ARHGAP6: variants seen among roughly 807,000 people sequenced by gnomAD.
The protein encoded by ARHGAP6 is rho GTPase-activating protein 6.
Under a neutral mutation model 55.7 loss-of-function variants are expected in ARHGAP6, and 16 were observed. The observed-to-expected ratio is 0.29, with a 90% confidence interval of 0.19 to 0.44. The LOEUF is 0.44. Among genes scored for constraint, ARHGAP6 ranks in the 20% least tolerant of loss-of-function variants. The pLI, the probability that ARHGAP6 is intolerant of heterozygous loss-of-function variation, is 1.00. For synonymous variants in ARHGAP6, 382 were observed against 360.9 expected (o/e 1.06, Z -0.66); for missense variants, 698 against 808.9 (o/e 0.86, Z 1.66).
intron 1 of ARHGAP6, among the ~76,000 whole-genome samples, chrX:11,371,329 G>C (rs911567614): frequency 3.6e-5 from 4 of 112,024 alleles, no homozygotes; most frequent in Non-Finnish European, 7.5e-5. Context: ...ATTGGAACCA[G>C]CCATGCACAT....
intron 3 of ARHGAP6, among the ~76,000 whole-genome samples, chrX:11,195,059 T>C (rs1320423026): frequency 8.9e-6 from 1 of 111,805 alleles, no homozygotes; most frequent in Non-Finnish European, 1.9e-5. Context: ...TAACAGACTA[T>C]AAAAATAAGC....
chrX:11,184,107 T>C (rs1052219313), intron 5 of ARHGAP6, among the ~76,000 whole-genome samples: 1 of 112,227 alleles, frequency 8.9e-6, no homozygotes, highest in Non-Finnish European at 1.9e-5. Flanking sequence ...CAGCCGTGCC[T>C]AAATCTAGAT....
intron 5 of ARHGAP6, among the ~76,000 whole-genome samples, chrX:11,185,252 G>GA (rs1415452318): frequency 1.8e-5 from 2 of 109,851 alleles, no homozygotes; most frequent in Non-Finnish European, 3.8e-5. Flanking sequence ...AAGATAAGGT[G>GA]AAAAAAATTA....
At chrX:11,407,432 G>A (rs1250439151) in intron 1 of ARHGAP6, among the ~76,000 whole-genome samples, 1 of 112,053 alleles carries the variant, frequency 8.9e-6, no homozygotes, top group Non-Finnish European at 1.9e-5. Flanking sequence ...CCACTTTTTT[G>A]TTGTTATGAA....
intron 1 of ARHGAP6, among the ~76,000 whole-genome samples, chrX:11,514,529 T>C (rs1422470505): frequency 1.8e-5 from 2 of 110,171 alleles, no homozygotes; most frequent in African/African-American, 6.6e-5. Flanking sequence ...CCCTGCCAGC[T>C]GTGACAACCA....
At chrX:11,457,780 C>A (rs2050207258) in intron 1 of ARHGAP6, among the ~76,000 whole-genome samples, 1 of 111,914 alleles carries the variant, frequency 8.9e-6, no homozygotes, top group African/African-American at 3.3e-5. Context: ...TCACCCCTCA[C>A]TGGGACATTT....
chrX:11,547,548 T>C (rs968567161), intron 1 of ARHGAP6, among the ~76,000 whole-genome samples: 6 of 112,001 alleles, frequency 5.4e-5, no homozygotes, highest in Admixed American at 3.8e-4. Flanking sequence ...CAAGTAGAAA[T>C]TGAGACCCTA....
At chrX:11,608,734 A>G (rs1426413210) in intron 1 of ARHGAP6, among the ~76,000 whole-genome samples, 5 of 111,559 alleles carry the variant, frequency 4.5e-5, no homozygotes, top group Non-Finnish European at 9.4e-5. Context: ...TAAGTCTCAC[A>G]AGATCTGATG....
intron 1 of ARHGAP6, among the ~76,000 whole-genome samples, chrX:11,269,849 T>A (rs1424913031): frequency 8.9e-6 from 1 of 111,895 alleles, no homozygotes. Context: ...CTGACCTTGG[T>A]CTAATTGCTA....
At chrX:11,190,460 G>GATATATATTTATATAT (rs1569248556) in intron 3 of ARHGAP6, among the ~76,000 whole-genome samples, 6 of 76,977 alleles carry the variant, frequency 7.8e-5, no homozygotes, top group Non-Finnish European at 9.9e-5. Context: ...ACCCTGAGGA[G>GATATATATTTATATAT]ATATATATAT....
intron 1 of ARHGAP6, among the ~76,000 whole-genome samples, chrX:11,504,954 T>C (rs1000758881): frequency 8.9e-6 from 1 of 112,183 alleles, no homozygotes; most frequent in Non-Finnish European, 1.9e-5. Context: ...ATCTGGAAGA[T>C]GATTGGATTT....
chrX:11,500,289 T>C (rs913039567), intron 1 of ARHGAP6, among the ~76,000 whole-genome samples: 2 of 109,804 alleles, frequency 1.8e-5, no homozygotes, highest in African/African-American at 6.7e-5. Flanking sequence ...TACTAAGCTG[T>C]ACTCCACTGA....
chrX:11,290,773 G>T (rs1319294944), intron 1 of ARHGAP6, among the ~76,000 whole-genome samples: 1 of 111,702 alleles, frequency 9.0e-6, no homozygotes, highest in Non-Finnish European at 1.9e-5. Flanking sequence ...GTAAGCCAGT[G>T]GAGAGGAACC....
intron 6 of ARHGAP6, among the ~76,000 whole-genome samples, chrX:11,180,310 C>T (rs2046298350): frequency 9.0e-6 from 1 of 111,160 alleles, no homozygotes; most frequent in Non-Finnish European, 1.9e-5. Context: ...ACTTCATAAA[C>T]CTACACTATG....
chrX:11,159,951 TAA>T (rs2045918773), intron 9 of ARHGAP6, among the ~76,000 whole-genome samples: 1 of 111,071 alleles, frequency 9.0e-6, no homozygotes, highest in African/African-American at 3.3e-5. Flanking sequence ...TAACAGTTTT[TAA>T]AAACGTAACA....
At chrX:11,602,643 G>A (rs750270598) in intron 1 of ARHGAP6, among the ~76,000 whole-genome samples, 13 of 113,082 alleles carry the variant, frequency 1.1e-4, no homozygotes, top group South Asian at 7.2e-4. Flanking sequence ...GCAAGAGGAG[G>A]TAGGGATATG....
chrX:11,322,072 A>T (rs2048438994), intron 1 of ARHGAP6, among the ~76,000 whole-genome samples: 2 of 112,351 alleles, frequency 1.8e-5, no homozygotes, highest in Admixed American at 1.9e-4. Flanking sequence ...CATTTGCAAA[A>T]TGTCCCAAAT....
At chrX:11,443,025 C>G (rs749251973) in intron 1 of ARHGAP6, among the ~76,000 whole-genome samples, 1 of 111,919 alleles carries the variant, frequency 8.9e-6, no homozygotes, top group African/African-American at 3.2e-5. Flanking sequence ...AAGTGTACAA[C>G]TCTGCATTTT....
At chrX:11,298,991 C>A in intron 1 of ARHGAP6, 1 of 1,205,324 alleles carries the variant, frequency 8.3e-7, no homozygotes, top group Non-Finnish European at 1.1e-6. Context: ...TATTTTGAAG[C>A]CACTACAATG....
Sources: gnomAD v4.1 joint callset for allele counts (sites outside exome capture counted in the v4.1 genomes callset) on GRCh38, gnomAD v4.1.1 for gene constraint, MANE v1.5 for transcripts, NCBI Gene and HGNC (gene_info 2026-07-23, HGNC 2026-07-21) for gene names.